ZSCAN30: variants seen among roughly 807,000 people sequenced by gnomAD.
ZSCAN30 encodes the protein zinc finger and SCAN domain-containing protein 30.
ZSCAN30 carries 37 observed loss-of-function variants against 44.3 expected under a neutral mutation model. That is an observed-to-expected ratio of 0.84 (90% CI 0.64 to 1.10). The LOEUF is 1.10. ZSCAN30 is among the 50% of genes least tolerant of loss of function. The pLI is 0.00. For synonymous variants in ZSCAN30, 181 were observed against 204.6 expected, an observed-to-expected ratio of 0.88 and a Z score of 0.98; for missense variants, 549 against 582.6, an observed-to-expected ratio of 0.94 and a Z score of 0.59.
intron 1 of ZSCAN30, among the ~76,000 whole-genome samples, chr18:35,274,014 G>T (rs1023885453): frequency 6.6e-6 from 1 of 152,076 alleles, no homozygotes; most frequent in Admixed American, 6.5e-5. Context: ...TAATTTGAAG[G>T]TACTCCTCTT....
intron 3 of ZSCAN30, 26 bp downstream of exon 3, chr18:35,263,487 A>T (rs1238668801): frequency 6.2e-7 from 1 of 1,613,428 alleles, no homozygotes; most frequent in Admixed American, 1.7e-5. Context: ...TCCATCCTCA[A>T]CCCCACATGG....
chr18:35,271,929 C>A (rs1005993609), intron 1 of ZSCAN30, among the ~76,000 whole-genome samples: 1 of 152,072 alleles, frequency 6.6e-6, no homozygotes, highest in African/African-American at 2.4e-5. Flanking sequence ...CGGCGCTGGC[C>A]GGCCGCTCCA....
rs1276110355 is a variant in ZSCAN30, at chr18:35,253,328, T to C, written c.*122A>G. On this transcript the variant is annotated 3_prime_UTR_variant, in exon 4 of 4. Transcript: ENST00000333206. ...ACATCTTTGTGTGCATGTCTTCTTA[T>C]AGTACCGAACTGGGAGGGAAGGACA... 2 of 697,114 alleles carry C rather than the reference T, an allele frequency of 2.9e-6. No homozygotes were observed. Among genetic ancestry groups the C allele is most frequent in the Non-Finnish European group, 4.6e-6 (2 of 432,076 alleles). 43.2% of individuals were successfully genotyped at this position (697,114 alleles called of 1,614,324 possible).
At chr18:35,280,282 A>G (rs1182590901) in intron 1 of ZSCAN30, among the ~76,000 whole-genome samples, 1 of 151,988 alleles carries the variant, frequency 6.6e-6, no homozygotes, top group Admixed American at 6.6e-5. Flanking sequence ...TCTCAAAAAA[A>G]AAAAAAAAAT....
At chr18:35,267,499 G>C (rs1476298798) in intron 1 of ZSCAN30, 1 of 141,236 alleles carries the variant, frequency 7.1e-6, no homozygotes, top group African/African-American at 2.6e-5. Context: ...GGCGGCGGCG[G>C]GAACCCACCC....
chr18:35,264,171 C>T lies in ZSCAN30; in HGVS notation c.182G>A (p.Gly61Asp), dbSNP rs369136852. The change falls in exon 2 of 4, where the codon GGC (glycine) becomes GAC (aspartate). Residue 61 changes from glycine (G) to aspartate (D), a missense_variant. Coordinates refer to ENST00000333206, the MANE Select transcript of ZSCAN30 (RefSeq NM_001112734.4). ...CAGCCGGCTCAGAGCCTCCCGAGGG[C>T]CAGTGGAGTCAGAGTAACTAAACTG... ...FRQFSYSDST[G>D]PREALSRLRE... 5 of 1,614,218 alleles carry T rather than the reference C, an allele frequency of 3.1e-6. No homozygotes were observed. The highest frequency in any genetic ancestry group is 4.2e-6 in the Non-Finnish European group (5 of 1,180,044).
intron 3 of ZSCAN30, 96 bp downstream of exon 3, chr18:35,263,417 G>T: frequency 1.3e-6 from 2 of 1,503,510 alleles, no homozygotes; most frequent in Non-Finnish European, 1.8e-6. Context: ...AATACTTAGT[G>T]ATAGCCACAA....
At chr18:35,263,156 AC>A (rs1164903167) in intron 3 of ZSCAN30, 1 of 383,474 alleles carries the variant, frequency 2.6e-6, no homozygotes, top group Admixed American at 3.4e-5. Context: ...CAGGAGGATC[AC>A]TTTAACCCAG....
rs34002141 is a variant in ZSCAN30 at position 35,280,275 on chromosome 18, C to CA, written c.-104+9808dup. ...TGGGTGACACAGTGATACTTTGTCTCAAAAAAAAAAAAAAAATAGAGAGGA... is the reference window on the plus strand; with the variant it reads ...TGGGTGACACAGTGATACTTTGTCTCAAAAAAAAAAAAAAAAATAGAGAGGA... On this transcript the variant is annotated intron_variant, in intron 1 of 3. Coordinates refer to ENST00000333206, the MANE Select transcript of ZSCAN30 (RefSeq NM_001112734.4). Among the ~76,000 whole-genome samples, 422 of 122,366 alleles carry CA rather than the reference C, an allele frequency of 3.4e-3. 2 individuals are homozygous for CA. Among genetic ancestry groups the CA allele is most frequent in the African/African-American group, 0.01 (346 of 33,014 alleles). The allele number at this position is 122,366 out of a possible 152,430, so 80.3% of individuals were successfully genotyped here. A position where few individuals can be genotyped will look rare whatever the true frequency, so the allele number is the denominator to read the frequency against.
chr18:35,253,829 C>A lies in ZSCAN30; in HGVS notation c.1106G>T (p.Ser369Ile), dbSNP rs746409275. Residue 369 changes from serine (S) to isoleucine (I), a missense_variant, in exon 4 of 4, where the codon AGT (serine) becomes ATT (isoleucine). Transcript: ENST00000333206. ...CCECGKAFRGSSELIRHRRIH... is the reference protein window; with the variant it reads ...CCECGKAFRGISELIRHRRIH... Reference sequence around the variant, plus strand: ...TCTCCGATGCCTGATGAGCTCTGAACTGCCCCTGAAGGCTTTTCCACATTC... The same window carrying A: ...TCTCCGATGCCTGATGAGCTCTGAAATGCCCCTGAAGGCTTTTCCACATTC... 3.1e-6 allele frequency: 5 copies of A among 1,614,042 alleles called. No homozygotes were observed. Among genetic ancestry groups the A allele is most frequent in the Non-Finnish European group, 3.4e-6 (4 of 1,180,028 alleles).
chr18:35,256,287 G>A (rs750394848), intron 3 of ZSCAN30: 1 of 152,178 alleles, frequency 6.6e-6, no homozygotes, highest in African/African-American at 2.4e-5. Context: ...ACTGGGCACG[G>A]TGGCTCACAC....
rs183181151 is a variant in ZSCAN30, at chr18:35,288,249, T to C, written c.-104+1835A>G. ...TGTACAGATACTTCACCAAAGAATA[T>C]ATACAGATGGCATATAAGCACATTA... On this transcript the variant is annotated intron_variant, in intron 1 of 3. Coordinates refer to ENST00000333206, the MANE Select transcript of ZSCAN30 (RefSeq NM_001112734.4). Among the ~76,000 whole-genome samples the C allele has an allele frequency of 1.3e-4, 20 of 152,338 alleles. 1 individual carries two copies. Among genetic ancestry groups the C allele is most frequent in the African/African-American group, 4.8e-4 (20 of 41,576 alleles).
chr18:35,254,256 C>T lies in ZSCAN30; in HGVS notation c.679G>A (p.Glu227Lys). 6.2e-7 allele frequency: 1 copy of T among 1,614,162 alleles called. No homozygotes were observed. Among genetic ancestry groups the T allele is most frequent in the Non-Finnish European group, 8.5e-7 (1 of 1,179,996 alleles). The change falls in exon 4 of 4, where the codon GAA becomes AAA. Residue 227 changes from glutamate to lysine, a missense_variant. Physicochemically the swap from Glu to Lys is moderately conservative, Grantham distance 56. Transcript: ENST00000333206. ...GAGTTGTCCAGACCTCCCAAAGCTTCTTCAGCTATCCGTTGGGAATGTGTT... is the reference window on the plus strand; with the variant it reads ...GAGTTGTCCAGACCTCCCAAAGCTTTTTCAGCTATCCGTTGGGAATGTGTT... ...GETHSQRIAE[E>K]ALGGLDNSKK...
chr18:35,270,187 A>C (rs1469303084), intron 1 of ZSCAN30: 2 of 152,262 alleles, frequency 1.3e-5, no homozygotes, highest in East Asian at 3.8e-4. Flanking sequence ...AATTTTGACA[A>C]ATATGTCACA....
intron 3 of ZSCAN30, chr18:35,257,495 T>C: frequency 5.3e-6 from 1 of 188,520 alleles, no homozygotes; most frequent in East Asian, 1.5e-4. Context: ...CATTTGCCCC[T>C]TCCACCACGT....
chr18:35,266,654 CTAA>C (rs2044156422), intron 1 of ZSCAN30: 1 of 136,236 alleles, frequency 7.3e-6, no homozygotes, highest in African/African-American at 2.9e-5. Context: ...GATATTTCTC[CTAA>C]TTTTTTTTTT....
rs1006868463 is a variant in ZSCAN30, at chr18:35,251,225, A to G, written c.*2225T>C. The G allele has an allele frequency of 2.0e-5, 3 of 152,202 alleles. No individual in the cohort carries two copies. Among genetic ancestry groups the G allele is most frequent in the African/African-American group, 7.2e-5 (3 of 41,448 alleles). The allele number at this position is 152,202 out of a possible 1,614,324, so 9.4% of individuals were successfully genotyped here. ...ATAAACACTAATAGAAAGTACTCCA[A>G]AATGTTAACAACGTTTCTATGGGCA... On this transcript the variant is annotated 3_prime_UTR_variant, in exon 4 of 4. Transcript: ENST00000333206.
chr18:35,277,479 A>G (rs2044386906), intron 1 of ZSCAN30, among the ~76,000 whole-genome samples: 1 of 151,878 alleles, frequency 6.6e-6, no homozygotes, highest in Admixed American at 6.6e-5. Context: ...GGGGACAGCT[A>G]CCTCCATGCT....
At chr18:35,258,655 A>G (rs1304766153) in intron 3 of ZSCAN30, 1 of 152,136 alleles carries the variant, frequency 6.6e-6, no homozygotes, top group Non-Finnish European at 1.5e-5. Context: ...GTGGATAACA[A>G]GGTCAGGAGT....
Sources: gnomAD v4.1 joint callset for allele counts (sites outside exome capture counted in the v4.1 genomes callset) on GRCh38, gnomAD v4.1.1 for gene constraint, MANE v1.5 for transcripts, NCBI Gene and HGNC (gene_info 2026-07-23, HGNC 2026-07-21) for gene names.